LHFPL4: variants seen among roughly 807,000 people sequenced by gnomAD.
LHFPL4 encodes the protein LHFPL tetraspan subfamily member 4 protein.
In LHFPL4, 6 loss-of-function variants were observed where a neutral mutation model predicts 20.0. That is an observed-to-expected ratio of 0.30 (90% CI 0.16 to 0.59). The LOEUF (loss-of-function observed/expected upper bound fraction) is 0.59. Among genes scored for constraint, LHFPL4 ranks in the 20% least tolerant of loss-of-function variants. The pLI is 0.88. For missense variants in LHFPL4, 215 were observed against 331.2 expected, an observed-to-expected ratio of 0.65 and a Z score of 2.72; for synonymous variants, 129 against 143.8, an observed-to-expected ratio of 0.90 and a Z score of 0.74.
chr3:9,538,176 C>T (rs1380982743), intron 2 of LHFPL4, among the ~76,000 whole-genome samples: 1 of 152,146 alleles, frequency 6.6e-6, no homozygotes, highest in African/African-American at 2.4e-5. Context: ...TCACCTGGAT[C>T]GCCTTCTTCC....
chr3:9,517,793 G>GTGT (rs2046312848), intron 2 of LHFPL4, among the ~76,000 whole-genome samples: 1 of 124,422 alleles, frequency 8.0e-6, no homozygotes, highest in African/African-American at 2.9e-5. Flanking sequence ...AGGAGGTTGG[G>GTGT]TTTTTTTGTT....
chr3:9,521,378 C>T (rs985002139), intron 2 of LHFPL4, among the ~76,000 whole-genome samples: 1 of 151,418 alleles, frequency 6.6e-6, no homozygotes, highest in African/African-American at 2.4e-5. Flanking sequence ...GTGTGCACCA[C>T]CATGCTTGGC....
chr3:9,513,276 A>C (rs565636166), intron 2 of LHFPL4, among the ~76,000 whole-genome samples: 1 of 152,006 alleles, frequency 6.6e-6, no homozygotes, highest in Non-Finnish European at 1.5e-5. Flanking sequence ...TTTGTTTTAT[A>C]TAAGAGATAA....
At chr3:9,535,552 C>T (rs754057084) in intron 2 of LHFPL4, among the ~76,000 whole-genome samples, 6 of 152,018 alleles carry the variant, frequency 3.9e-5, no homozygotes, top group Non-Finnish European at 8.8e-5. Flanking sequence ...AATTTTTCCA[C>T]AAAGAACAAT....
At chr3:9,515,946 C>T (rs561674400) in intron 2 of LHFPL4, among the ~76,000 whole-genome samples, 2 of 152,220 alleles carry the variant, frequency 1.3e-5, no homozygotes, top group East Asian at 3.9e-4. Flanking sequence ...AACTCCTGGC[C>T]TCAAGTGATC....
intron 2 of LHFPL4, among the ~76,000 whole-genome samples, chr3:9,517,250 G>T (rs995749634): frequency 1.3e-5 from 2 of 152,064 alleles, no homozygotes; most frequent in Non-Finnish European, 2.9e-5. Context: ...AGAATAACTT[G>T]CCAGGATTGT....
At chr3:9,535,046 A>G (rs1184427645) in intron 2 of LHFPL4, among the ~76,000 whole-genome samples, 2 of 152,166 alleles carry the variant, frequency 1.3e-5, no homozygotes, top group South Asian at 2.1e-4. Context: ...AACTCCTACT[A>G]TATCGATACA....
At chr3:9,538,993 C>G (rs1008349551) in intron 2 of LHFPL4, among the ~76,000 whole-genome samples, 1 of 152,126 alleles carries the variant, frequency 6.6e-6, no homozygotes, top group Non-Finnish European at 1.5e-5. Flanking sequence ...AGCCACCACA[C>G]CTGGCCCAAA....
At chr3:9,516,212 AG>A (rs1453699105) in intron 2 of LHFPL4, among the ~76,000 whole-genome samples, 5 of 152,088 alleles carry the variant, frequency 3.3e-5, no homozygotes, top group Non-Finnish European at 7.4e-5. Context: ...ATTTTCTATG[AG>A]TTTCACAGGT....
intron 3 of LHFPL4, among the ~76,000 whole-genome samples, chr3:9,503,118 C>T (rs1165278820): frequency 2.6e-5 from 4 of 152,036 alleles, no homozygotes; most frequent in Admixed American, 1.3e-4. Flanking sequence ...CACAGGTGCG[C>T]GCCATGGCTT....
chr3:9,517,529 C>A (rs1019558031), intron 2 of LHFPL4, among the ~76,000 whole-genome samples: 1 of 150,656 alleles, frequency 6.6e-6, no homozygotes, highest in African/African-American at 2.4e-5. Flanking sequence ...AGACAGAGAC[C>A]CTGTCTGTAC....
intron 2 of LHFPL4, among the ~76,000 whole-genome samples, chr3:9,522,556 A>G (rs1210129521): frequency 6.6e-6 from 1 of 151,132 alleles, no homozygotes; most frequent in African/African-American, 2.4e-5. Context: ...GCTGGCCAAC[A>G]TGATGAAGCC....
At chr3:9,504,914 C>T (rs1012117418) in intron 3 of LHFPL4, among the ~76,000 whole-genome samples, 3 of 151,394 alleles carry the variant, frequency 2.0e-5, no homozygotes, top group South Asian at 4.2e-4. Flanking sequence ...AAATATATCA[C>T]TCTGTCATCT....
At chr3:9,517,636 A>G (rs559005828) in intron 2 of LHFPL4, among the ~76,000 whole-genome samples, 2 of 145,782 alleles carry the variant, frequency 1.4e-5, no homozygotes, top group South Asian at 4.6e-4. Context: ...ACAGTAAGCT[A>G]TGATTGAGCC....
intron 2 of LHFPL4, among the ~76,000 whole-genome samples, chr3:9,526,338 T>C (rs1414653840): frequency 6.6e-6 from 1 of 152,140 alleles, no homozygotes; most frequent in Non-Finnish European, 1.5e-5. Context: ...TGAATGTACT[T>C]GATGCTAGAG....
In LHFPL4 at chr3:9,552,790, G is replaced by C. The variant is rs1294454057; in HGVS notation, c.-111C>G. ...GGGGACGCACGCGAGAAGCGGCCCT[G>C]AGTCAAGGAACCCGCGAGGGCGGGG... On this transcript the variant is annotated 5_prime_UTR_variant, in exon 2 of 4. Coordinates refer to ENST00000287585, the MANE Select transcript of LHFPL4 (RefSeq NM_198560.3). 1.7e-6 allele frequency: 1 copy of C among 571,788 alleles called. No homozygotes were observed. Among genetic ancestry groups the C allele is most frequent in the African/African-American group, 2.0e-5 (1 of 49,000 alleles). The allele number at this position is 571,788 out of a possible 1,614,324, so 35.4% of individuals were successfully genotyped here. A position where few individuals can be genotyped will look rare whatever the true frequency, so the allele number is the denominator to read the frequency against.
At chr3:9,548,391 T>A (rs374487153) in intron 2 of LHFPL4, among the ~76,000 whole-genome samples, 60 of 152,322 alleles carry the variant, frequency 3.9e-4, no homozygotes, top group African/African-American at 1.3e-3. Flanking sequence ...GTGGCCCCCA[T>A]AATTCCTTCC....
At chr3:9,546,712 G>T (rs1257845628) in intron 2 of LHFPL4, among the ~76,000 whole-genome samples, 2 of 152,106 alleles carry the variant, frequency 1.3e-5, no homozygotes. Context: ...AAGCCCTTTG[G>T]TCATCCCAGC....
intron 2 of LHFPL4, 97 bp downstream of exon 2, chr3:9,552,177 A>T: frequency 2.7e-6 from 4 of 1,473,964 alleles, no homozygotes; most frequent in Non-Finnish European, 3.6e-6. Flanking sequence ...AACACAGAGA[A>T]GCAGAATCTA....
Sources: allele counts gnomAD v4.1 joint callset (sites outside exome capture counted in the v4.1 genomes callset), GRCh38; gene constraint gnomAD v4.1.1; transcripts MANE v1.5; gene names NCBI Gene and HGNC (gene_info 2026-07-23, HGNC 2026-07-21).